The following COLEC10 variants were observed in gnomAD, a reference collection of about 807,000 sequenced individuals.
COLEC10 encodes collectin subfamily member 10.
A neutral mutation model predicts 28.4 loss-of-function variants in COLEC10; 22 were observed. The ratio of observed to expected loss-of-function variants is 0.78; its 90% confidence interval spans 0.55 to 1.11. The LOEUF is 1.11. Ranked by LOEUF, COLEC10 falls within the 50% of genes least tolerant of loss-of-function variation. The probability of loss-of-function intolerance (pLI) is 0.00; values close to 1 mark genes in which losing one functional copy is unlikely to be tolerated. For synonymous variants in COLEC10, 125 were observed against 116.1 expected (o/e 1.08, Z -0.49); for missense variants, 361 against 344.1 (o/e 1.05, Z -0.39).
At chr8:118,988,286 G>A in the COLEC10 span, among the ~76,000 whole-genome samples, 40 of 151,920 alleles carry the variant, frequency 2.6e-4, no homozygotes, top group African/African-American at 8.0e-4. Flanking sequence ...GGGTTCTGGC[G>A]GTGGAGACAG....
chr8:119,082,231 T>C (rs1173476528), intron 1 of COLEC10, among the ~76,000 whole-genome samples: 2 of 152,120 alleles, frequency 1.3e-5, no homozygotes, highest in African/African-American at 4.8e-5. Context: ...GTGGTGTGTG[T>C]ATTTGCCACC....
chr8:119,080,334 G>A (rs750054990), intron 1 of COLEC10, among the ~76,000 whole-genome samples: 21 of 152,176 alleles, frequency 1.4e-4, no homozygotes, highest in African/African-American at 1.9e-4. Flanking sequence ...AGAAAATTGT[G>A]AGTTTTTGGA....
At chr8:119,032,627 C>T (rs1814310111) in intron 2 of COLEC10, among the ~76,000 whole-genome samples, 2 of 152,170 alleles carry the variant, frequency 1.3e-5, no homozygotes, top group Non-Finnish European at 2.9e-5. Context: ...TTCTGCCCCG[C>T]GCGGTGGCTC....
chr8:118,980,202 C>A, the COLEC10 span, among the ~76,000 whole-genome samples: 10 of 137,104 alleles, frequency 7.3e-5, no homozygotes, highest in East Asian at 1.9e-3. Context: ...ATAAAACATT[C>A]TTTTTTTTTT....
chr8:119,020,426 A>C (rs1814071425), intron 2 of COLEC10, among the ~76,000 whole-genome samples: 1 of 152,168 alleles, frequency 6.6e-6, no homozygotes, highest in African/African-American at 2.4e-5. Flanking sequence ...TTTTCCAAAA[A>C]CTAAAGAATT....
chr8:118,963,209 AG>A, the COLEC10 span, among the ~76,000 whole-genome samples: 9 of 152,244 alleles, frequency 5.9e-5, no homozygotes, highest in African/African-American at 2.2e-4. Flanking sequence ...TACCATTTAT[AG>A]AATATCCATT....
chr8:118,954,889 CA>C, the COLEC10 span, among the ~76,000 whole-genome samples: 1 of 152,258 alleles, frequency 6.6e-6, no homozygotes, highest in South Asian at 2.1e-4. Context: ...TAATCATCAT[CA>C]TAATGGAAAT....
chr8:119,033,093 C>A (rs1306263871), intron 2 of COLEC10, among the ~76,000 whole-genome samples: 1 of 152,040 alleles, frequency 6.6e-6, no homozygotes, highest in African/African-American at 2.4e-5. Context: ...GAAAAGAAAA[C>A]CCACTTAGGG....
chr8:119,055,552 A>C (rs541804362), intron 2 of COLEC10, among the ~76,000 whole-genome samples: 1 of 152,172 alleles, frequency 6.6e-6, no homozygotes, highest in South Asian at 2.1e-4. Context: ...AGCTGGCTCC[A>C]TGCCTCAAAA....
the COLEC10 span, among the ~76,000 whole-genome samples, chr8:118,989,534 T>TACACACAC: frequency 3.0e-3 from 390 of 128,712 alleles, 1 homozygote; most frequent in Middle Eastern, 0.012. Flanking sequence ...ACAGACAAAA[T>TACACACAC]ACACACACAC....
chr8:118,957,803 C>T, the COLEC10 span, among the ~76,000 whole-genome samples: 2 of 152,124 alleles, frequency 1.3e-5, no homozygotes, highest in African/African-American at 4.8e-5. Context: ...CCCACAGGAG[C>T]TCATTTTACC....
chr8:119,024,356 C>T (rs1814150770), intron 2 of COLEC10, among the ~76,000 whole-genome samples: 1 of 152,014 alleles, frequency 6.6e-6, no homozygotes, highest in African/African-American at 2.4e-5. Flanking sequence ...TTAGAGATTT[C>T]CTAGTGACAG....
chr8:119,071,108 G>A (rs1183567566), intron 1 of COLEC10, among the ~76,000 whole-genome samples: 1 of 152,016 alleles, frequency 6.6e-6, no homozygotes, highest in African/African-American at 2.4e-5. Flanking sequence ...ACATTTTGGT[G>A]ATTAAAAAAA....
At chr8:118,988,352 C>T in the COLEC10 span, among the ~76,000 whole-genome samples, 5 of 152,176 alleles carry the variant, frequency 3.3e-5, no homozygotes, top group East Asian at 1.9e-4. Flanking sequence ...CTAACAAAGA[C>T]GTAGTCTCCA....
rs115273924 is a variant in COLEC10, at chr8:119,105,892, C to A, written c.535C>A (p.Arg179=). The A allele has an allele frequency of 6.2e-7, 1 of 1,613,652 alleles. No homozygotes were observed. Among genetic ancestry groups the A allele is most frequent in the Non-Finnish European group, 8.5e-7 (1 of 1,179,856 alleles). ...YRESLTHCRI[R]GGMLAMPKDE... ...GGAATCCCTAACCCACTGCAGGATTCGGGGTGGAATGCTAGCCATGCCCAA... is the reference window on the plus strand; with the variant it reads ...GGAATCCCTAACCCACTGCAGGATTAGGGGTGGAATGCTAGCCATGCCCAA... Residue 179 remains arginine, a synonymous_variant, in exon 6 of 6, where the codon CGG becomes AGG. Coordinates refer to ENST00000332843, the MANE Select transcript of COLEC10 (RefSeq NM_006438.5).
chr8:119,052,252 A>C (rs1362114060), intron 2 of COLEC10, among the ~76,000 whole-genome samples: 1 of 152,188 alleles, frequency 6.6e-6, no homozygotes, highest in Non-Finnish European at 1.5e-5. Context: ...TGCAAAACAC[A>C]TGCATTTTTT....
chr8:118,961,024 A>G, the COLEC10 span, among the ~76,000 whole-genome samples: 7 of 152,214 alleles, frequency 4.6e-5, no homozygotes, highest in African/African-American at 1.7e-4. Flanking sequence ...AGTAGGCATT[A>G]TCAACTTATA....
chr8:119,088,252 AAAG>A (rs369739313), intron 1 of COLEC10, among the ~76,000 whole-genome samples: 7 of 152,124 alleles, frequency 4.6e-5, no homozygotes, highest in African/African-American at 7.2e-5. Context: ...GAAAAGAAAG[AAAG>A]AAGAAGAAAA....
chr8:119,042,031 C>T (rs1038895897), intron 2 of COLEC10, among the ~76,000 whole-genome samples: 4 of 151,302 alleles, frequency 2.6e-5, no homozygotes, highest in African/African-American at 9.7e-5. Context: ...GGAGTCTTTC[C>T]CTGTCTCCCA....
Sources: allele counts gnomAD v4.1 joint callset (sites outside exome capture counted in the v4.1 genomes callset), GRCh38; gene constraint gnomAD v4.1.1; transcripts MANE v1.5; gene names NCBI Gene and HGNC (gene_info 2026-07-23, HGNC 2026-07-21).